The following DPP6 variants were observed in gnomAD, a reference collection of about 807,000 sequenced individuals.
The protein encoded by DPP6 is A-type potassium channel modulatory protein DPP6.
DPP6 carries 69 observed loss-of-function variants against 122.6 expected under a neutral mutation model. That is an observed-to-expected ratio of 0.56 (90% CI 0.46 to 0.69). DPP6 has a LOEUF of 0.69. DPP6 is among the 30% of genes least tolerant of loss of function. The probability of loss-of-function intolerance (pLI) is 0.00; values close to 1 mark genes in which losing one functional copy is unlikely to be tolerated. For missense variants in DPP6, 928 were observed against 1,116.9 expected (o/e 0.83, Z 2.41); for synonymous variants, 418 against 433.1 (o/e 0.97, Z 0.43).
intron 1 of DPP6, among the ~76,000 whole-genome samples, chr7:154,406,416 T>C (rs1302455797): frequency 8.9e-6 from 1 of 111,908 alleles, no homozygotes; most frequent in Non-Finnish European, 1.9e-5. Flanking sequence ...AGCCGGGGGA[T>C]GCACACACGC....
At chr7:154,541,112 G>C (rs1828689522) in intron 4 of DPP6, among the ~76,000 whole-genome samples, 1 of 152,022 alleles carries the variant, frequency 6.6e-6, no homozygotes, top group African/African-American at 2.4e-5. Context: ...TTATGATTTG[G>C]GAAAACTTGT....
intron 1 of DPP6, among the ~76,000 whole-genome samples, chr7:153,949,678 A>G (rs1260726344): frequency 6.6e-6 from 1 of 152,242 alleles, no homozygotes; most frequent in Non-Finnish European, 1.5e-5. Flanking sequence ...CCCAAACTGC[A>G]TATGTCCCTG....
At chr7:154,847,688 C>G (rs971779603) in intron 16 of DPP6, among the ~76,000 whole-genome samples, 2 of 152,146 alleles carry the variant, frequency 1.3e-5, no homozygotes, top group South Asian at 2.1e-4. Flanking sequence ...AAACTCCACT[C>G]TTTTAGCAAT....
chr7:154,578,610 TG>T (rs1341295140), intron 5 of DPP6, among the ~76,000 whole-genome samples: 4 of 152,148 alleles, frequency 2.6e-5, no homozygotes, highest in Non-Finnish European at 5.9e-5. Flanking sequence ...TAGAAATTAA[TG>T]AGNNCAAGTG....
intron 1 of DPP6, among the ~76,000 whole-genome samples, chr7:154,443,354 A>G (rs1211679834): frequency 1.4e-5 from 2 of 145,864 alleles, no homozygotes; most frequent in Admixed American, 6.7e-5. Context: ...AAGAAAAAAA[A>G]TGAAAAAAAA....
chr7:154,754,441 T>C (rs779793982), intron 8 of DPP6, among the ~76,000 whole-genome samples: 3 of 152,236 alleles, frequency 2.0e-5, no homozygotes, highest in Non-Finnish European at 4.4e-5. Flanking sequence ...AGGATTCTAA[T>C]TTCACAATCT....
intron 1 of DPP6, among the ~76,000 whole-genome samples, chr7:154,077,677 T>G (rs1392759079): frequency 1.2e-5 from 1 of 86,034 alleles, no homozygotes; most frequent in African/African-American, 3.6e-5. Flanking sequence ...ATTATTATTA[T>G]TTTTTTTTTT....
chr7:154,320,151 A>T (rs531310091), intron 1 of DPP6, among the ~76,000 whole-genome samples: 9 of 152,196 alleles, frequency 5.9e-5, no homozygotes, highest in Admixed American at 5.9e-4. Context: ...AAAATCTATT[A>T]TTCCAACATA....
At chr7:154,005,310 T>C (rs184777560) in intron 1 of DPP6, among the ~76,000 whole-genome samples, 1 of 152,330 alleles carries the variant, frequency 6.6e-6, no homozygotes, top group African/African-American at 2.4e-5. Flanking sequence ...TATCCAGGGC[T>C]TCCCCAGTTG....
intron 1 of DPP6, among the ~76,000 whole-genome samples, chr7:154,060,132 ACCTTTCCTCCCCTG>A (rs1801496067): frequency 7.0e-6 from 1 of 143,022 alleles, no homozygotes; most frequent in Admixed American, 6.8e-5. Context: ...GCAAACCTCC[ACCTTTCCTCCCCTG>A]GCTCTTTGCA....
chr7:154,727,876 G>T lies in DPP6; in HGVS notation c.872G>T (p.Trp291Leu). The T allele has an allele frequency of 6.2e-7, 1 of 1,612,218 alleles. No individual in the cohort carries two copies. Among genetic ancestry groups the T allele is most frequent in the Non-Finnish European group, 8.5e-7 (1 of 1,179,204 alleles). Reference protein sequence around the residue: ...EGVIYNGLSDWLYEEEILKTH... With the variant: ...EGVIYNGLSDLLYEEEILKTH... ...GTGATTTACAATGGCCTCAGTGACTGGCTGTATGAAGGTAAGATGTGCACA... is the reference window on the plus strand; with the variant it reads ...GTGATTTACAATGGCCTCAGTGACTTGCTGTATGAAGGTAAGATGTGCACA... Residue 291 changes from tryptophan (W) to leucine (L), a missense_variant, in exon 8 of 26, where the codon TGG (tryptophan) becomes TTG (leucine). Trp to Leu is a moderately conservative substitution (Grantham distance 61). Transcript: ENST00000377770.
chr7:154,217,880 T>G (rs1800091835), intron 1 of DPP6, among the ~76,000 whole-genome samples: 1 of 152,134 alleles, frequency 6.6e-6, no homozygotes, highest in African/African-American at 2.4e-5. Flanking sequence ...CTGGTCTGTC[T>G]CAGAGGGCAG....
chr7:153,758,106 A>G, the DPP6 span, among the ~76,000 whole-genome samples: 43 of 152,360 alleles, frequency 2.8e-4, no homozygotes, highest in Non-Finnish European at 4.7e-4. Context: ...ACTTCAGTGT[A>G]AAAATTATGA....
chr7:154,054,251 C>CA (rs1585239194), intron 1 of DPP6, among the ~76,000 whole-genome samples: 1 of 152,340 alleles, frequency 6.6e-6, no homozygotes, highest in African/African-American at 2.4e-5. Flanking sequence ...TACCTCTCTG[C>CA]AGCCTCCAGC....
the DPP6 span, among the ~76,000 whole-genome samples, chr7:153,874,098 T>G: frequency 6.6e-6 from 1 of 152,190 alleles, no homozygotes; most frequent in Non-Finnish European, 1.5e-5. Flanking sequence ...GAAGCAAAAG[T>G]GAATCCACTC....
chr7:154,726,138 A>T (rs539407595), intron 7 of DPP6, among the ~76,000 whole-genome samples: 31 of 152,240 alleles, frequency 2.0e-4, no homozygotes, highest in Non-Finnish European at 3.4e-4. Context: ...GCTTTTCCAG[A>T]TGCATGCTGC....
intron 16 of DPP6, among the ~76,000 whole-genome samples, chr7:154,845,560 G>A (rs141081383): frequency 7.9e-5 from 12 of 152,252 alleles, no homozygotes; most frequent in East Asian, 1.9e-4. Context: ...TATATGTAAC[G>A]TAAATGGCGA....
At chr7:154,259,490 A>C (rs974502922) in intron 1 of DPP6, among the ~76,000 whole-genome samples, 2 of 152,204 alleles carry the variant, frequency 1.3e-5, no homozygotes, top group South Asian at 4.1e-4. Context: ...GAAATGACCT[A>C]AGCAAAGTCA....
chr7:154,813,967 G>A (rs1232449089), intron 16 of DPP6, among the ~76,000 whole-genome samples: 6 of 129,990 alleles, frequency 4.6e-5, no homozygotes, highest in African/African-American at 1.4e-4. Context: ...TGCAACCTCC[G>A]CCTCCCAGGT....
Sources: allele counts gnomAD v4.1 joint callset (sites outside exome capture counted in the v4.1 genomes callset), GRCh38; gene constraint gnomAD v4.1.1; transcripts MANE v1.5; gene names NCBI Gene and HGNC (gene_info 2026-07-23, HGNC 2026-07-21).